Variants in SPEF2 observed in about 807,000 individuals in gnomAD.
SPEF2 encodes the protein sperm flagella and cilia-associated protein 2.
SPEF2 carries 187 observed loss-of-function variants against 224.6 expected under a neutral mutation model. The observed-to-expected ratio is 0.83, with a 90% CI of 0.74 to 0.94. SPEF2 has a LOEUF of 0.94. Ranked by LOEUF, SPEF2 falls within the 40% of genes least tolerant of loss-of-function variation. The pLI, the probability that SPEF2 is intolerant of heterozygous loss-of-function variation, is 0.00. For missense variants in SPEF2, 2,170 were observed against 2,135.6 expected, an observed-to-expected ratio of 1.02 and a Z score of -0.32; for synonymous variants, 715 against 707.3, an observed-to-expected ratio of 1.01 and a Z score of -0.17.
intron 12 of SPEF2, 109 bp downstream of exon 12, chr5:35,692,833 A>G (rs1023956391): frequency 4.3e-6 from 4 of 939,548 alleles, no homozygotes; most frequent in Non-Finnish European, 6.0e-6. Context: ...GTACAGACCC[A>G]GAGAGTAAAA....
intron 26 of SPEF2, among the ~76,000 whole-genome samples, chr5:35,769,986 A>G (rs886624919): frequency 1.1e-5 from 1 of 91,588 alleles, no homozygotes; most frequent in African/African-American, 4.8e-5. Flanking sequence ...TACTGCCTCC[A>G]TAATGTGTGT....
At chr5:35,689,614 T>G (rs1479893993) in intron 10 of SPEF2, among the ~76,000 whole-genome samples, 2 of 152,228 alleles carry the variant, frequency 1.3e-5, no homozygotes, top group Non-Finnish European at 2.9e-5. Flanking sequence ...ATTGATTTTC[T>G]GCTTCTGCAT....
intron 6 of SPEF2, among the ~76,000 whole-genome samples, chr5:35,650,083 A>T (rs972136030): frequency 3.9e-5 from 6 of 152,228 alleles, no homozygotes; most frequent in Admixed American, 3.9e-4. Flanking sequence ...GAAATATGAG[A>T]TAAATCTCTG....
intron 20 of SPEF2, among the ~76,000 whole-genome samples, chr5:35,714,271 C>A (rs1161169495): frequency 6.6e-6 from 1 of 151,040 alleles, no homozygotes; most frequent in Non-Finnish European, 1.5e-5. Flanking sequence ...GTAAAGAGAA[C>A]CTTGCAAATA....
intron 23 of SPEF2, among the ~76,000 whole-genome samples, chr5:35,742,960 T>C (rs1455455030): frequency 6.6e-6 from 1 of 151,824 alleles, no homozygotes; most frequent in African/African-American, 2.4e-5. Context: ...TTTATAGTTC[T>C]TTATTTTACT....
intron 1 of SPEF2, among the ~76,000 whole-genome samples, chr5:35,623,193 T>C (rs1447629615): frequency 6.6e-6 from 1 of 152,146 alleles, no homozygotes; most frequent in Non-Finnish European, 1.5e-5. Context: ...GTGAAATTGG[T>C]TATGTTCAGC....
Position 35,700,376 on chromosome 5 carries a change from A to G in SPEF2, c.2142-120A>G, listed in dbSNP as rs1031637225. On this transcript the variant is annotated intron_variant, in intron 15 of 36. Coordinates refer to ENST00000356031, the MANE Select transcript of SPEF2 (RefSeq NM_024867.4). ...AACCTAATCTTTTAGCTATGAAGTA[A>G]TGAAATTCATGCAGTAGGAAGTTAT... 1.0e-4 allele frequency: 91 copies of G among 890,852 alleles called. No homozygotes were observed. The East Asian group carries it at 2.3e-3, about 22-fold the overall frequency. The allele number at this position is 890,852 out of a possible 1,614,324, so 55.2% of individuals were successfully genotyped here.
chr5:35,748,851 A>G (rs1580566423), intron 23 of SPEF2, among the ~76,000 whole-genome samples: 1 of 152,088 alleles, frequency 6.6e-6, no homozygotes, highest in African/African-American at 2.4e-5. Flanking sequence ...GCATTACCCT[A>G]ATACCAAAAC....
intron 6 of SPEF2, among the ~76,000 whole-genome samples, chr5:35,653,519 C>T (rs925402688): frequency 1.3e-5 from 2 of 152,142 alleles, no homozygotes; most frequent in South Asian, 4.1e-4. Flanking sequence ...TCTGCTGTTG[C>T]GAGCTGTGCC....
intron 24 of SPEF2, among the ~76,000 whole-genome samples, chr5:35,755,217 G>A (rs768972089): frequency 3.3e-5 from 5 of 152,234 alleles, no homozygotes; most frequent in Non-Finnish European, 7.3e-5. Flanking sequence ...CACATGGCAT[G>A]GGTTGTATGC....
chr5:35,745,179 G>A (rs1748292444), intron 23 of SPEF2, among the ~76,000 whole-genome samples: 1 of 152,206 alleles, frequency 6.6e-6, no homozygotes, highest in African/African-American at 2.4e-5. Context: ...AGCTCGCTGG[G>A]TGCCCAAGCA....
At chr5:35,662,134 T>C (rs1749829035) in intron 8 of SPEF2, among the ~76,000 whole-genome samples, 1 of 152,204 alleles carries the variant, frequency 6.6e-6, no homozygotes, top group Admixed American at 6.5e-5. Flanking sequence ...TGGTATGAGA[T>C]GGTATCTCAT....
intron 2 of SPEF2, among the ~76,000 whole-genome samples, chr5:35,640,097 T>G (rs1746397701): frequency 6.6e-6 from 1 of 152,168 alleles, no homozygotes; most frequent in Non-Finnish European, 1.5e-5. Flanking sequence ...TTAACAGGCT[T>G]ATTAACTGCA....
At chr5:35,663,438 A>G (rs76250541) in intron 8 of SPEF2, among the ~76,000 whole-genome samples, 1,603 of 152,282 alleles carry the variant, frequency 0.011, 32 homozygotes, top group African/African-American at 0.036. Context: ...TCAATGTTCC[A>G]TAGCTCAACA....
chr5:35,729,682 C>T (rs1041878035), intron 21 of SPEF2, among the ~76,000 whole-genome samples: 16 of 152,106 alleles, frequency 1.1e-4, no homozygotes, highest in African/African-American at 3.6e-4. Flanking sequence ...TTTGCTGTGT[C>T]CCTACCCAAA....
chr5:35,645,978 A>G (rs1172613550), intron 4 of SPEF2, among the ~76,000 whole-genome samples: 1 of 152,202 alleles, frequency 6.6e-6, no homozygotes, highest in African/African-American at 2.4e-5. Context: ...ATGTATTAGT[A>G]GTAAAGTCAT....
Position 35,617,931 on chromosome 5 carries a change from G to T in SPEF2, c.-67G>T. ...TTGCCCTTGGCTACAGGAGGACGCG[G>T]GCTGGCAGGCTTGGTTCCTGGCGAG... On this transcript the variant is annotated 5_prime_UTR_variant, in exon 1 of 37. Transcript: ENST00000356031. 6.7e-7 allele frequency: 1 copy of T among 1,496,278 alleles called. No individual in the cohort carries two copies. Among genetic ancestry groups the T allele is most frequent in the Non-Finnish European group, 9.1e-7 (1 of 1,095,984 alleles). The allele number at this position is 1,496,278 out of a possible 1,614,324, so 92.7% of individuals were successfully genotyped here.
intron 19 of SPEF2, among the ~76,000 whole-genome samples, chr5:35,712,344 C>A (rs984326609): frequency 6.6e-6 from 1 of 152,098 alleles, no homozygotes; most frequent in African/African-American, 2.4e-5. Context: ...ATCCTCTAGC[C>A]TCAACCTCAT....
At chr5:35,769,744 A>AT (rs1373372827) in intron 26 of SPEF2, among the ~76,000 whole-genome samples, 1 of 152,156 alleles carries the variant, frequency 6.6e-6, no homozygotes, top group Non-Finnish European at 1.5e-5. Context: ...GTGTGGCAGA[A>AT]TTTTGGAGAA....
Sources: allele counts gnomAD v4.1 joint callset (sites outside exome capture counted in the v4.1 genomes callset), GRCh38; gene constraint gnomAD v4.1.1; transcripts MANE v1.5; gene names NCBI Gene and HGNC (gene_info 2026-07-23, HGNC 2026-07-21).